Variants in FGF9 observed in about 807,000 individuals in gnomAD.
The protein encoded by FGF9 is fibroblast growth factor 9 (glia-activating factor).
Under a neutral mutation model 19.9 loss-of-function variants are expected in FGF9, and 3 were observed. The ratio of observed to expected loss-of-function variants is 0.15; its 90% confidence interval spans 0.07 to 0.39. The LOEUF (loss-of-function observed/expected upper bound fraction) is 0.39. Ranked by LOEUF, FGF9 falls within the 10% of genes least tolerant of loss-of-function variation. FGF9 has a pLI of 1.00. For missense variants in FGF9, 175 were observed against 256.8 expected (o/e 0.68, Z 2.18); for synonymous variants, 107 against 106.9 (o/e 1.00, Z -0.01).
rs1871787462 is a variant in FGF9 at position 21,672,302 on chromosome 13, C to T, written c.277+113C>T. 8.6e-7 allele frequency: 1 copy of T among 1,158,072 alleles called. No homozygotes were observed. Among genetic ancestry groups the T allele is most frequent in the Non-Finnish European group, 1.3e-6 (1 of 776,298 alleles). The allele number at this position is 1,158,072 out of a possible 1,614,324, so 71.7% of individuals were successfully genotyped here. ...GGGAAGGGTTCTCCCCTCCTCCCCT[C>T]TTTCTCTGTATCTCTGTCTCTCTCT... On this transcript the variant is annotated intron_variant, in intron 1 of 2. Transcript: ENST00000382353. This position sits in a 1 kb window ranked among gnomAD's most constrained non-coding sequence, Gnocchi z 4.2.
At chr13:21,685,783 G>A (rs748975542) in intron 2 of FGF9, among the ~76,000 whole-genome samples, 9 of 152,180 alleles carry the variant, frequency 5.9e-5, no homozygotes, top group Non-Finnish European at 1.3e-4. Flanking sequence ...TGCTTGGGGA[G>A]GTTGAGCGGT....
chr13:21,695,090 G>A (rs1409128897), intron 2 of FGF9, among the ~76,000 whole-genome samples: 2 of 147,224 alleles, frequency 1.4e-5, no homozygotes, highest in East Asian at 2.0e-4. Context: ...GTGCGTGTGT[G>A]TGTGTGTGTG....
chr13:21,675,964 A>G (rs1384649451), intron 1 of FGF9, among the ~76,000 whole-genome samples: 2 of 149,690 alleles, frequency 1.3e-5, no homozygotes, highest in African/African-American at 4.9e-5. Context: ...TGGTGTGGAG[A>G]TAAGATTGAA....
chr13:21,681,029 C>G lies in FGF9; in HGVS notation c.278-13C>G. On this transcript the variant is annotated splice_polypyrimidine_tract_variant and intron_variant, in intron 1 of 2. Coordinates refer to ENST00000382353, the MANE Select transcript of FGF9 (RefSeq NM_002010.3). ...ATCTGATCTGTCCTCTGCCTTCTACCCTTTGTCTACAGGCATTCTGGAATT... is the reference window on the plus strand; with the variant it reads ...ATCTGATCTGTCCTCTGCCTTCTACGCTTTGTCTACAGGCATTCTGGAATT... The G allele has an allele frequency of 6.2e-7, 1 of 1,601,756 alleles. No homozygotes were observed. Among genetic ancestry groups the G allele is most frequent in the Non-Finnish European group, 8.6e-7 (1 of 1,169,040 alleles).
chr13:21,678,755 T>G lies in FGF9; in HGVS notation c.278-2287T>G, dbSNP rs151141820. ...TATTTTTTAGTTTTATGATTAAACC[T>G]TTCCTTATTGACCTGGTAAATTAAA... is the stretch of plus-strand genomic sequence containing the variant. On this transcript the variant is annotated intron_variant, in intron 1 of 2. Coordinates refer to ENST00000382353, the MANE Select transcript of FGF9 (RefSeq NM_002010.3). Among the ~76,000 whole-genome samples, 109 of 152,330 alleles carry G rather than the reference T, an allele frequency of 7.2e-4. 1 individual carries two copies. The South Asian group carries it at 8.7e-3, about 12-fold the overall frequency.
intron 2 of FGF9, among the ~76,000 whole-genome samples, chr13:21,684,507 A>G (rs1172128929): frequency 6.6e-6 from 1 of 152,162 alleles, no homozygotes; most frequent in Non-Finnish European, 1.5e-5. Flanking sequence ...TTAGGTCTCC[A>G]GTTGAAGGAG....
At chr13:21,698,175 G>A (rs1434409777) in intron 2 of FGF9, among the ~76,000 whole-genome samples, 1 of 152,170 alleles carries the variant, frequency 6.6e-6, no homozygotes, top group Non-Finnish European at 1.5e-5. Flanking sequence ...TCCCAAGAGG[G>A]TGGTGGCTGT....
In FGF9 at chr13:21,679,755, A is replaced by G. The variant is rs973499999; in HGVS notation, c.278-1287A>G. ...AGATTGAGACCATCCTGGCTAACACAGTGAAACCCCGTCTCTACTAAAAAT... is the reference window on the plus strand; with the variant it reads ...AGATTGAGACCATCCTGGCTAACACGGTGAAACCCCGTCTCTACTAAAAAT... On this transcript the variant is annotated intron_variant, in intron 1 of 2. Coordinates refer to ENST00000382353, the MANE Select transcript of FGF9 (RefSeq NM_002010.3). Among the ~76,000 whole-genome samples, 315 of 147,936 alleles carry G rather than the reference A, an allele frequency of 2.1e-3. 3 individuals carry two copies. Among genetic ancestry groups the G allele is most frequent in the African/African-American group, 7.3e-3 (293 of 40,036 alleles).
chr13:21,679,664 C>T (rs558146235), intron 1 of FGF9, among the ~76,000 whole-genome samples: 70 of 151,464 alleles, frequency 4.6e-4, no homozygotes, highest in African/African-American at 1.5e-3. Flanking sequence ...TCCAGACAGG[C>T]GCGGTAGCTC....
intron 2 of FGF9, among the ~76,000 whole-genome samples, chr13:21,688,653 T>A (rs951643481): frequency 2.0e-5 from 3 of 152,156 alleles, no homozygotes; most frequent in African/African-American, 4.8e-5. Flanking sequence ...TAAATAAAAA[T>A]ATATTTACTA....
intron 2 of FGF9, among the ~76,000 whole-genome samples, chr13:21,692,759 A>T (rs1371320568): frequency 6.6e-6 from 1 of 152,242 alleles, no homozygotes; most frequent in African/African-American, 2.4e-5. Flanking sequence ...GCGAGTTTGA[A>T]TTCTGAAATT....
Position 21,701,700 on chromosome 13 carries a change from AGTGTGTGTATGTGTGTGT to A in FGF9, c.*274_*291del, listed in dbSNP as rs1377140691. The A allele has an allele frequency of 4.2e-4, 187 of 441,838 alleles. No homozygotes were observed. Among genetic ancestry groups the A allele is most frequent in the Non-Finnish European group, 6.3e-4 (156 of 246,518 alleles). The allele number at this position is 441,838 out of a possible 1,614,324, so 27.4% of individuals were successfully genotyped here. On this transcript the variant is annotated 3_prime_UTR_variant, in exon 3 of 3. Coordinates refer to ENST00000382353, the MANE Select transcript of FGF9 (RefSeq NM_002010.3). ...AGAGAGAGAGAGACTGAGCGCTAGGAGTGTGTGTATGTGTGTGTGTGTGTGTGTGTGTGTGTGTGTATG... is the reference window on the plus strand; with the variant it reads ...AGAGAGAGAGAGACTGAGCGCTAGGAGTGTGTGTGTGTGTGTGTGTGTATG...
rs1372031785 is a variant in FGF9, at chr13:21,680,503, A to C, written c.278-539A>C. On this transcript the variant is annotated intron_variant, in intron 1 of 2. Coordinates refer to ENST00000382353, the MANE Select transcript of FGF9 (RefSeq NM_002010.3). Reference sequence around the variant, plus strand: ...AGGTATTTATTTCTCCCAGTTCTAAAGGCTGGGAAGTCCAAAAGCAAGATA... The same window carrying C: ...AGGTATTTATTTCTCCCAGTTCTAACGGCTGGGAAGTCCAAAAGCAAGATA... Among the ~76,000 whole-genome samples, 65 of 152,108 alleles carry C rather than the reference A, an allele frequency of 4.3e-4. 1 individual carries two copies. Among genetic ancestry groups the C allele is most frequent in the Admixed American group, 4.3e-3 (65 of 15,274 alleles).
intron 2 of FGF9, among the ~76,000 whole-genome samples, chr13:21,688,044 TG>T (rs932723271): frequency 6.6e-5 from 10 of 152,150 alleles, no homozygotes; most frequent in African/African-American, 2.4e-4. Flanking sequence ...GGGTCAGAGT[TG>T]GGGACGGAGG....
chr13:21,679,782 CAAA>C (rs760146847), intron 1 of FGF9, among the ~76,000 whole-genome samples: 2 of 52,432 alleles, frequency 3.8e-5, no homozygotes, highest in Non-Finnish European at 4.2e-5. Flanking sequence ...ACTAAAAATA[CAAA>C]AAAAAAAAAA....
At chr13:21,696,784 G>A (rs1257005868) in intron 2 of FGF9, among the ~76,000 whole-genome samples, 1 of 152,172 alleles carries the variant, frequency 6.6e-6, no homozygotes, top group African/African-American at 2.4e-5. Context: ...GTATCACTAA[G>A]TACTGAAGTG....
chr13:21,703,903 C>T lies in FGF9; in HGVS notation c.*2468C>T, dbSNP rs1277000834. The T allele has an allele frequency of 8.7e-5, 13 of 149,804 alleles. No individual in the cohort carries two copies. Among genetic ancestry groups the T allele is most frequent in the Non-Finnish European group, 1.8e-4 (12 of 67,576 alleles). The allele number at this position is 149,804 out of a possible 1,614,324, so 9.3% of individuals were successfully genotyped here. On this transcript the variant is annotated 3_prime_UTR_variant, in exon 3 of 3. Transcript: ENST00000382353. ...TTTGGTACTTTTTTTTTTTTTAAGA[C>T]GAGCAAATTGTTATATGCTTTTGGC...
In FGF9 at chr13:21,672,199, C is replaced by G; in HGVS notation, c.277+10C>G. 1 of 1,614,056 alleles carries G rather than the reference C, an allele frequency of 6.2e-7. No individual in the cohort carries two copies. The highest frequency in any genetic ancestry group is 8.5e-7 in the Non-Finnish European group (1 of 1,179,914). On this transcript the variant is annotated intron_variant, in intron 1 of 2. Coordinates refer to ENST00000382353, the MANE Select transcript of FGF9 (RefSeq NM_002010.3). This position sits in a 1 kb window ranked among gnomAD's most constrained non-coding sequence, Gnocchi z 4.2. ...GACCACAGCCGATTTGGTAGGTATA[C>G]CATTAACCCTTTAGTGTCCATGAGA...
chr13:21,680,151 C>T (rs73447742), intron 1 of FGF9, among the ~76,000 whole-genome samples: 10,423 of 151,944 alleles, frequency 0.069, 1,136 homozygotes, highest in African/African-American at 0.24. Flanking sequence ...ATCATTGTGT[C>T]GATTTGATTT....
Sources: gnomAD v4.1 joint callset for allele counts (sites outside exome capture counted in the v4.1 genomes callset) on GRCh38, gnomAD v4.1.1 for gene constraint, Gnocchi (gnomAD v3.1) non-coding constraint, MANE v1.5 for transcripts, NCBI Gene and HGNC (gene_info 2026-07-23, HGNC 2026-07-21) for gene names.